Variants in PROCR observed in about 807,000 individuals in gnomAD.
The protein encoded by PROCR is endothelial protein C receptor.
Under a neutral mutation model 24.2 loss-of-function variants are expected in PROCR, and 22 were observed. That is an observed-to-expected ratio of 0.91 (90% CI 0.65 to 1.30). PROCR has a LOEUF of 1.30. Ranked by LOEUF, PROCR falls within the 50% of genes most tolerant of loss-of-function variation. PROCR has a pLI of 0.00. For missense variants in PROCR, 288 were observed against 307.7 expected (o/e 0.94, Z 0.48); for synonymous variants, 137 against 139.2 (o/e 0.98, Z 0.11).
In PROCR at chr20:35,176,699, G is replaced by A; in HGVS notation, c.603G>A (p.Gly201=). 4 of 1,607,800 alleles carry A rather than the reference G, an allele frequency of 2.5e-6. No individual in the cohort carries two copies. The highest frequency in any genetic ancestry group is 2.5e-6 in the Non-Finnish European group (3 of 1,177,026). Residue 201 remains glycine, a splice_region_variant and synonymous_variant, in exon 4 of 4, where the codon GGG becomes GGA. Coordinates refer to ENST00000216968, the MANE Select transcript of PROCR (RefSeq NM_006404.5). ...QKHISAENTK[G]SQTSRSYTSL... ...GCTAACTCTTTGCATGTTCTGCAGG[G>A]AGCCAAACAAGCCGCTCCTACACTT...
Position 35,209,598 on chromosome 20 carries a change from A to G in PROCR, c.95-6295A>G, listed in dbSNP as rs577244953. On this transcript the variant is annotated intron_variant, in intron 1 of 1. Coordinates refer to the PROCR transcript ENST00000634509. ...AGAAACTCCAGAATTTAAAAGGTCA[A>G]CTGGAAGAGATGGAGCTAGCAAAAA... Among the ~76,000 whole-genome samples, 27 of 152,326 alleles carry G rather than the reference A, an allele frequency of 1.8e-4. No homozygotes were observed. In the East Asian group the frequency reaches 4.4e-3, roughly 25 times the overall value.
rs570596297 is a variant in PROCR, at chr20:35,177,341, T to C, written c.*528T>C. ...ATTATTAATCAATTAATAATATTAA[T>C]AAATTTCTTATATTTAAGGCATTGT... On this transcript the variant is annotated 3_prime_UTR_variant, in exon 4 of 4. Transcript: ENST00000216968. The C allele has an allele frequency of 2.0e-6, 2 of 980,560 alleles. No homozygotes were observed. The highest frequency in any genetic ancestry group is 1.2e-4 in the Admixed American group (2 of 16,266). 60.7% of individuals were successfully genotyped at this position (980,560 alleles called of 1,614,324 possible). A position where few individuals can be genotyped will look rare whatever the true frequency, so the allele number is the denominator to read the frequency against.
chr20:35,175,678 G>A (rs1244586354), intron 2 of PROCR, among the ~76,000 whole-genome samples: 2 of 133,240 alleles, frequency 1.5e-5, no homozygotes, highest in African/African-American at 2.8e-5. Flanking sequence ...TCCGCCTCCC[G>A]GGTTCAAGCG....
At chr20:35,205,776 T>TATATATATATATATATATATATATAC (rs2060337770) in intron 1 of PROCR, among the ~76,000 whole-genome samples, 1 of 137,230 alleles carries the variant, frequency 7.3e-6, no homozygotes, top group Non-Finnish European at 1.5e-5. Context: ...TATATATATA[T>TATATATATATATATATATATATATAC]ATATATATAT....
chr20:35,178,704 A>G (rs987205505), downstream of PROCR, among the ~76,000 whole-genome samples: 1 of 137,096 alleles, frequency 7.3e-6, no homozygotes, highest in Non-Finnish European at 1.6e-5. Context: ...TTTAGTAGAG[A>G]CGGGGTTTCA....
At chr20:35,205,958 A>C (rs1176322662) in intron 1 of PROCR, among the ~76,000 whole-genome samples, 2 of 149,612 alleles carry the variant, frequency 1.3e-5, no homozygotes, top group African/African-American at 2.5e-5. Flanking sequence ...GGTGTGAGCC[A>C]CTGCACTTGA....
intron 1 of PROCR, among the ~76,000 whole-genome samples, chr20:35,172,988 C>T (rs1600731994): frequency 6.6e-6 from 1 of 152,140 alleles, no homozygotes; most frequent in East Asian, 1.9e-4. Flanking sequence ...ATTACTATCT[C>T]CATTTTATGA....
chr20:35,209,329 G>A (rs2060353595), intron 1 of PROCR, among the ~76,000 whole-genome samples: 3 of 152,158 alleles, frequency 2.0e-5, no homozygotes. Context: ...GAAGCCTAGA[G>A]GAGGAAGACA....
At position 35,174,735 on chromosome 20, in the gene PROCR, A is replaced by C; in HGVS notation, c.104A>C (p.Tyr35Ser). 1.2e-6 allele frequency: 2 copies of C among 1,613,952 alleles called. No individual in the cohort carries two copies. The highest frequency in any genetic ancestry group is 1.7e-6 in the Non-Finnish European group (2 of 1,179,952). The change falls in exon 2 of 4, where the codon TAC becomes TCC. Residue 35 changes from tyrosine (Y) to serine (S), a missense_variant. Transcript: ENST00000216968. ...AGACTTCATATGCTCCAGATCTCCT[A>C]CTTCCGCGACCCCTATCACGTGTGG... Reference protein sequence around the residue: ...LQRLHMLQISYFRDPYHVWYQ... With the variant: ...LQRLHMLQISSFRDPYHVWYQ...
chr20:35,172,241 T>C lies in PROCR; in HGVS notation c.70+17T>C, dbSNP rs1568589313. The C allele has an allele frequency of 6.2e-7, 1 of 1,613,350 alleles. No individual in the cohort carries two copies. The highest frequency in any genetic ancestry group is 8.5e-7 in the Non-Finnish European group (1 of 1,179,328). On this transcript the variant is annotated intron_variant, in intron 1 of 3. Transcript: ENST00000216968. ...CCTCAGATGGTGAGTCGGGGGCACA[T>C]CTCCTGCCTCAGGATGGTTCTGGAG...
intron 1 of PROCR, among the ~76,000 whole-genome samples, chr20:35,183,590 C>G (rs558700955): frequency 6.6e-6 from 1 of 152,258 alleles, no homozygotes; most frequent in East Asian, 1.9e-4. Flanking sequence ...TATAGCAGCA[C>G]AAGAATTGAC....
At position 35,176,931 on chromosome 20, in the gene PROCR, CCTTT is replaced by C. The variant is rs1324714746; in HGVS notation, c.*122_*125del. The C allele has an allele frequency of 6.5e-7, 1 of 1,531,180 alleles. No homozygotes were observed. The highest frequency in any genetic ancestry group is 1.4e-5 in the African/African-American group (1 of 72,650). 94.8% of individuals were successfully genotyped at this position (1,531,180 alleles called of 1,614,324 possible). A position where few individuals can be genotyped will look rare whatever the true frequency, so the allele number is the denominator to read the frequency against. ...CACCAGAAGGTTTGGAGTGACAGCTCCTTTCTTCTCCCACATCTGCCCACTGAAG... is the reference window on the plus strand; with the variant it reads ...CACCAGAAGGTTTGGAGTGACAGCTCCTTCTCCCACATCTGCCCACTGAAG... On this transcript the variant is annotated 3_prime_UTR_variant, in exon 4 of 4. Coordinates refer to ENST00000216968, the MANE Select transcript of PROCR (RefSeq NM_006404.5).
At chr20:35,174,463 G>T (rs1321830453) in intron 1 of PROCR, 4 of 574,848 alleles carry the variant, frequency 7.0e-6, no homozygotes, top group Non-Finnish European at 1.2e-5. Flanking sequence ...GCAGAAAGGA[G>T]TGTCTCTTCC....
At chr20:35,174,989 G>A in intron 2 of PROCR, 36 bp downstream of exon 2, 1 of 1,375,730 alleles carries the variant, frequency 7.3e-7, no homozygotes, top group African/African-American at 1.5e-5. Flanking sequence ...GGTCTGGGCG[G>A]GGCTAGTGGG....
At chr20:35,210,903 G>C (rs1468694674) in intron 1 of PROCR, among the ~76,000 whole-genome samples, 1 of 152,028 alleles carries the variant, frequency 6.6e-6, no homozygotes, top group East Asian at 1.9e-4. Flanking sequence ...AGTAGAGACA[G>C]GGTTTCACCA....
downstream of PROCR, among the ~76,000 whole-genome samples, chr20:35,178,522 T>TG (rs2086048275): frequency 1.8e-5 from 1 of 54,494 alleles, no homozygotes; most frequent in East Asian, 4.0e-4. Context: ...TTTTTTTTTT[T>TG]TTTTTTTTTT....
chr20:35,214,824 G>A (rs1485832358), intron 1 of PROCR, among the ~76,000 whole-genome samples: 2 of 151,994 alleles, frequency 1.3e-5, no homozygotes, highest in Non-Finnish European at 2.9e-5. Context: ...GACTGAGTCG[G>A]GGGATTGGAC....
At chr20:35,210,871 CCTGA>C (rs552757343) in intron 1 of PROCR, among the ~76,000 whole-genome samples, 118 of 152,122 alleles carry the variant, frequency 7.8e-4, no homozygotes, top group African/African-American at 2.7e-3. Context: ...TGCCACTGTG[CCTGA>C]CTAATTTTTG....
intron 1 of PROCR, among the ~76,000 whole-genome samples, chr20:35,195,789 C>G (rs1481402940): frequency 9.0e-5 from 12 of 133,108 alleles, no homozygotes; most frequent in African/African-American, 1.2e-4. Context: ...CCATTGCACT[C>G]TAGCTTGAGT....
Sources: gnomAD v4.1 joint callset for allele counts (sites outside exome capture counted in the v4.1 genomes callset) on GRCh38, gnomAD v4.1.1 for gene constraint, MANE v1.5 for transcripts, NCBI Gene and HGNC (gene_info 2026-07-23, HGNC 2026-07-21) for gene names.